Variants in GAS6 observed in about 807,000 individuals in gnomAD.
The protein encoded by GAS6 is growth arrest specific 6.
GAS6 carries 41 observed loss-of-function variants against 75.8 expected under a neutral mutation model. That is an observed-to-expected ratio of 0.54 (90% confidence interval 0.42 to 0.70). The LOEUF (loss-of-function observed/expected upper bound fraction) is 0.70, where lower values mean the gene tolerates loss of function less well. Among genes scored for constraint, GAS6 ranks in the 30% least tolerant of loss-of-function variants. GAS6 has a pLI of 0.00. For missense variants in GAS6, 854 were observed against 940.2 expected (o/e 0.91, Z 1.20); for synonymous variants, 432 against 412.6 (o/e 1.05, Z -0.57).
chr13:113,860,176 G>A (rs1322953278), intron 2 of GAS6, among the ~76,000 whole-genome samples: 1 of 152,238 alleles, frequency 6.6e-6, no homozygotes, highest in Non-Finnish European at 1.5e-5. Context: ...GAAAGAGATG[G>A]GGGAAGGGAA....
At chr13:113,854,265 G>A (rs991933393) in intron 2 of GAS6, among the ~76,000 whole-genome samples, 2 of 152,332 alleles carry the variant, frequency 1.3e-5, no homozygotes, top group Non-Finnish European at 1.5e-5. Context: ...TCACAGCACC[G>A]ACGTGGTGCC....
intron 2 of GAS6, among the ~76,000 whole-genome samples, chr13:113,853,025 G>T (rs2051888402): frequency 1.3e-5 from 2 of 152,322 alleles, no homozygotes; most frequent in South Asian, 4.1e-4. Flanking sequence ...TGGGGCCCCT[G>T]CCTACCTGCC....
chr13:113,857,325 A>G lies in GAS6; in HGVS notation c.255+6250T>C, dbSNP rs146548644. ...AAAGGCAAAACTGATACTGTTCTTAACTTATTCCACTTCCAGCTCCCCTTT... is the reference window on the plus strand; with the variant it reads ...AAAGGCAAAACTGATACTGTTCTTAGCTTATTCCACTTCCAGCTCCCCTTT... On this transcript the variant is annotated intron_variant, in intron 2 of 14. Transcript: ENST00000327773. Among the ~76,000 whole-genome samples the G allele has an allele frequency of 2.8e-3, 429 of 152,254 alleles. 2 individuals carry two copies. The highest frequency in any genetic ancestry group is 9.9e-3 in the African/African-American group (413 of 41,530).
chr13:113,863,306 T>C lies in GAS6; in HGVS notation c.255+269A>G, dbSNP rs991502873. ...TAACCATTGTGTTTCTCTCGCACTT[T>C]GGAAACGGACTCCCGGCTTCCCCGC... On this transcript the variant is annotated intron_variant, in intron 2 of 14. Coordinates refer to ENST00000327773, the MANE Select transcript of GAS6 (RefSeq NM_000820.4). This position sits in a 1 kb window ranked among gnomAD's most constrained non-coding sequence, Gnocchi z 9.4. 6.6e-6 allele frequency among the ~76,000 whole-genome samples: 1 copy of C among 152,074 alleles called. No homozygotes were observed. Among genetic ancestry groups the C allele is most frequent in the African/African-American group, 2.4e-5 (1 of 41,432 alleles).
intron 12 of GAS6, among the ~76,000 whole-genome samples, chr13:113,825,169 T>C (rs138970432): frequency 1.5e-5 from 2 of 129,830 alleles, no homozygotes; most frequent in East Asian, 4.5e-4. Context: ...GGTATGAACC[T>C]GGGAGGTGGA....
intron 8 of GAS6, among the ~76,000 whole-genome samples, chr13:113,834,251 G>A (rs1043324064): frequency 7.2e-5 from 11 of 151,928 alleles, no homozygotes; most frequent in Admixed American, 2.6e-4. Flanking sequence ...GTGACAGGTC[G>A]GTCACGTTGG....
chr13:113,832,138 C>T (rs1050159192), intron 10 of GAS6, among the ~76,000 whole-genome samples, 161 bp downstream of exon 10: 4 of 151,928 alleles, frequency 2.6e-5, no homozygotes, highest in Admixed American at 1.3e-4. Context: ...CCCCGTCTCC[C>T]GGAGCATGAA....
chr13:113,825,110 C>T (rs938957879), intron 12 of GAS6, among the ~76,000 whole-genome samples: 5 of 151,692 alleles, frequency 3.3e-5, no homozygotes, highest in South Asian at 2.1e-4. Context: ...CCCATCTACT[C>T]GGGAGGCTGA....
rs534813342 is a variant in GAS6, at chr13:113,861,099, C to A, written c.255+2476G>T. ...GGTGCTTCCGGGAAGAAGGCGCAAC[C>A]AGGAAGATGCCCCAGCAAGGGGCAG... On this transcript the variant is annotated intron_variant, in intron 2 of 14. Transcript: ENST00000327773. Among the ~76,000 whole-genome samples, 11 of 152,326 alleles carry A rather than the reference C, an allele frequency of 7.2e-5. No individual in the cohort carries two copies. In the South Asian group the frequency reaches 2.1e-3, roughly 29 times the overall value.
rs937394294 is a variant in GAS6 at position 113,839,909 on chromosome 13, C to A, written c.344-59G>T. The A allele has an allele frequency of 2.5e-5, 40 of 1,611,008 alleles. No homozygotes were observed. In the Admixed American group the frequency reaches 6.5e-4, roughly 26 times the overall value. On this transcript the variant is annotated intron_variant, in intron 4 of 14. Coordinates refer to ENST00000327773, the MANE Select transcript of GAS6 (RefSeq NM_000820.4). ...AGCTGCCCCACCCCTGCGCGCCCAA[C>A]GCAGCTGAGATCGGGGCGGCTGTGG...
intron 2 of GAS6, among the ~76,000 whole-genome samples, chr13:113,856,281 C>T (rs2051913531): frequency 6.6e-6 from 1 of 152,178 alleles, no homozygotes; most frequent in Admixed American, 6.5e-5. Flanking sequence ...CACAGTGGGG[C>T]CGGGGGTGCT....
At position 113,863,994 on chromosome 13, in the gene GAS6, C is replaced by G. The variant is rs953204128; in HGVS notation, c.-74G>C. ...CGCGGGCGCCGCGGGGCGGAGGCTC[C>G]GGTCATCCCGTCCTGGCGGCCCTGA... is the stretch of plus-strand genomic sequence containing the variant. On this transcript the variant is annotated 5_prime_UTR_variant, in exon 1 of 15. Coordinates refer to ENST00000327773, the MANE Select transcript of GAS6 (RefSeq NM_000820.4). The surrounding 1 kb of genome is among the most constrained non-coding windows in gnomAD (Gnocchi z 9.4). 23 of 1,020,880 alleles carry G rather than the reference C, an allele frequency of 2.3e-5. No individual in the cohort carries two copies. In the African/African-American group the frequency reaches 3.6e-4, roughly 16 times the overall value. The allele number at this position is 1,020,880 out of a possible 1,614,324, so 63.2% of individuals were successfully genotyped here.
At position 113,834,429 on chromosome 13, in the gene GAS6, C is replaced by CT. The variant is rs367656899; in HGVS notation, c.834+121dup. 1,753 of 1,067,596 alleles carry CT rather than the reference C, an allele frequency of 1.6e-3. 19 individuals carry two copies. The African/African-American group carries it at 0.024, about 15-fold the overall frequency. The allele number at this position is 1,067,596 out of a possible 1,614,324, so 66.1% of individuals were successfully genotyped here. ...TCTCATCCCAAACCTCCACATGGCCCTGGAGATCCCCAACACCTTAGCAAA... is the reference window on the plus strand; with the variant it reads ...TCTCATCCCAAACCTCCACATGGCCCTTGGAGATCCCCAACACCTTAGCAAA... On this transcript the variant is annotated intron_variant, in intron 8 of 14. Coordinates refer to ENST00000327773, the MANE Select transcript of GAS6 (RefSeq NM_000820.4).
Position 113,842,456 on chromosome 13 carries a change from G to A in GAS6, c.344-2606C>T, listed in dbSNP as rs888858918. 16 of 395,444 alleles carry A rather than the reference G, an allele frequency of 4.0e-5. 2 individuals carry two copies. The highest frequency in any genetic ancestry group is 1.9e-4 in the African/African-American group (9 of 47,078). 24.5% of individuals were successfully genotyped at this position (395,444 alleles called of 1,614,324 possible). A position where few individuals can be genotyped will look rare whatever the true frequency, so the allele number is the denominator to read the frequency against. On this transcript the variant is annotated intron_variant, in intron 4 of 14. Coordinates refer to ENST00000327773, the MANE Select transcript of GAS6 (RefSeq NM_000820.4). ...TGCATCAGCACAGCCGCCAGGAGCC[G>A]GCCGGGGCCCCATCCCTGACACTGC...
At chr13:113,859,527 T>C (rs940729009) in intron 2 of GAS6, among the ~76,000 whole-genome samples, 1 of 152,154 alleles carries the variant, frequency 6.6e-6, no homozygotes, top group Non-Finnish European at 1.5e-5. Flanking sequence ...TGTTTATGTG[T>C]GTGCATGTCT....
At chr13:113,851,313 A>T (rs1199650541) in intron 2 of GAS6, among the ~76,000 whole-genome samples, 1 of 149,668 alleles carries the variant, frequency 6.7e-6, no homozygotes, top group Non-Finnish European at 1.5e-5. Context: ...GTGAGTGGCC[A>T]GATGAGTGAA....
At chr13:113,832,804 C>A in intron 8 of GAS6, 52 bp from the exon 9 acceptor site, 1 of 1,609,994 alleles carries the variant, frequency 6.2e-7, no homozygotes, top group South Asian at 1.1e-5. Flanking sequence ...CACTCCTGCT[C>A]CCCTGAGCCC....
chr13:113,853,181 A>C (rs2051889521), intron 2 of GAS6, among the ~76,000 whole-genome samples: 1 of 152,252 alleles, frequency 6.6e-6, no homozygotes, highest in South Asian at 2.1e-4. Flanking sequence ...TTTTGGGCCC[A>C]AAGTGCACTG....
chr13:113,820,574 A>ATTT lies in GAS6; in HGVS notation c.*287_*289dup, dbSNP rs1188332037. 4.9e-6 allele frequency: 2 copies of ATTT among 410,394 alleles called. No individual in the cohort carries two copies. Among genetic ancestry groups the ATTT allele is most frequent in the African/African-American group, 3.9e-5 (2 of 50,834 alleles). The allele number at this position is 410,394 out of a possible 1,614,324, so 25.4% of individuals were successfully genotyped here. On this transcript the variant is annotated 3_prime_UTR_variant, in exon 15 of 15. Coordinates refer to ENST00000327773, the MANE Select transcript of GAS6 (RefSeq NM_000820.4). Reference sequence around the variant, plus strand: ...TTACAAAGCTTTCTGTAAATATTTTATTTTCCATATTTTAGAGTCAGAAAG... The same window carrying ATTT: ...TTACAAAGCTTTCTGTAAATATTTTATTTTTTTCCATATTTTAGAGTCAGAAAG...
Sources: gnomAD v4.1 joint callset for allele counts (sites outside exome capture counted in the v4.1 genomes callset) on GRCh38, gnomAD v4.1.1 for gene constraint, Gnocchi (gnomAD v3.1) non-coding constraint, MANE v1.5 for transcripts, NCBI Gene and HGNC (gene_info 2026-07-23, HGNC 2026-07-21) for gene names.